Variants in GRIA3 observed in about 807,000 individuals in gnomAD.
The protein encoded by GRIA3 is glutamate ionotropic receptor AMPA type subunit 3.
In GRIA3, 3 loss-of-function variants were observed where a neutral mutation model predicts 63.0. The observed-to-expected ratio is 0.05, with a 90% CI of 0.02 to 0.12. GRIA3 has a LOEUF of 0.12. GRIA3 is among the 10% of genes least tolerant of loss of function. GRIA3 has a pLI of 1.00. For missense variants in GRIA3, 347 were observed against 700.9 expected (o/e 0.50, Z 5.70); for synonymous variants, 274 against 257.9 (o/e 1.06, Z -0.60).
intron 3 of GRIA3, among the ~76,000 whole-genome samples, chrX:123,265,322 T>C (rs1241691075): frequency 9.0e-6 from 1 of 111,627 alleles, no homozygotes; most frequent in East Asian, 2.8e-4. Flanking sequence ...AAAACTTAAC[T>C]ACTAATAGCC....
At chrX:123,260,402 AAGAC>A (rs766545795) in intron 3 of GRIA3, among the ~76,000 whole-genome samples, 299 of 22,009 alleles carry the variant, frequency 0.014, 34 homozygotes, top group African/African-American at 0.034. Flanking sequence ...GAAAGAAAGA[AAGAC>A]AGACAGACAG....
At chrX:123,248,944 G>C (rs2044374817) in intron 2 of GRIA3, among the ~76,000 whole-genome samples, 1 of 112,168 alleles carries the variant, frequency 8.9e-6, no homozygotes, top group Admixed American at 9.4e-5. Flanking sequence ...AGGGAGCTGA[G>C]GGAAGCAGCT....
intron 13 of GRIA3, among the ~76,000 whole-genome samples, chrX:123,469,839 T>C (rs2045852989): frequency 8.9e-6 from 1 of 112,021 alleles, no homozygotes; most frequent in Non-Finnish European, 1.9e-5. Context: ...TGCAGCTGCC[T>C]GTCCCCTCAA....
At chrX:123,327,461 C>T (rs770764722) in intron 4 of GRIA3, among the ~76,000 whole-genome samples, 1 of 111,303 alleles carries the variant, frequency 9.0e-6, no homozygotes, top group African/African-American at 3.3e-5. Context: ...TACCTAGGGG[C>T]CAAAACAGCT....
At chrX:123,350,955 C>T (rs2045090503) in intron 4 of GRIA3, among the ~76,000 whole-genome samples, 1 of 112,029 alleles carries the variant, frequency 8.9e-6, no homozygotes, top group Non-Finnish European at 1.9e-5. Flanking sequence ...CATATCAAGC[C>T]ATCCATCATC....
intron 2 of GRIA3, among the ~76,000 whole-genome samples, chrX:123,214,639 G>T (rs189326887): frequency 9.0e-6 from 1 of 111,434 alleles, no homozygotes; most frequent in South Asian, 3.8e-4. Flanking sequence ...GGATTAAAAG[G>T]GCCCACAAGA....
chrX:123,257,678 TA>T (rs2044427381), intron 3 of GRIA3, among the ~76,000 whole-genome samples: 2 of 62,933 alleles, frequency 3.2e-5, no homozygotes, highest in South Asian at 2.9e-3. Context: ...TTAAATTATA[TA>T]AGAGAGATAG....
chrX:123,455,208 C>T (rs1247970973), intron 12 of GRIA3, among the ~76,000 whole-genome samples: 1 of 111,732 alleles, frequency 8.9e-6, no homozygotes, highest in Non-Finnish European at 1.9e-5. Context: ...AATTTCTTTC[C>T]CTTCCTTTCC....
At chrX:123,432,311 A>T (rs1030597664) in intron 12 of GRIA3, among the ~76,000 whole-genome samples, 1 of 112,109 alleles carries the variant, frequency 8.9e-6, no homozygotes, top group Non-Finnish European at 1.9e-5. Flanking sequence ...TCCCCTTTTT[A>T]CATTAAATGT....
intron 2 of GRIA3, among the ~76,000 whole-genome samples, chrX:123,221,717 G>A (rs1603033089): frequency 9.0e-6 from 1 of 111,301 alleles, no homozygotes; most frequent in African/African-American, 3.3e-5. Context: ...AAAGAAAATG[G>A]GGCCCAGAAA....
chrX:123,334,196 G>A (rs1293315423), intron 4 of GRIA3, among the ~76,000 whole-genome samples: 2 of 111,755 alleles, frequency 1.8e-5, no homozygotes, highest in South Asian at 3.7e-4. Flanking sequence ...CTAAGCAAGC[G>A]AGACTCTACT....
At chrX:123,217,871 A>G (rs1928198084) in intron 2 of GRIA3, among the ~76,000 whole-genome samples, 1 of 112,381 alleles carries the variant, frequency 8.9e-6, no homozygotes, top group African/African-American at 3.2e-5. Flanking sequence ...AAAAGCCTAA[A>G]AACAAATTAG....
At chrX:123,309,271 C>T (rs7065359) in intron 3 of GRIA3, among the ~76,000 whole-genome samples, 18,033 of 108,152 alleles carry the variant, frequency 0.17, 1,205 homozygotes, top group South Asian at 0.3. Flanking sequence ...CCTGTAGTCC[C>T]GAGAGGTGGA....
intron 3 of GRIA3, among the ~76,000 whole-genome samples, chrX:123,285,289 G>A (rs1184060275): frequency 7.2e-5 from 8 of 110,571 alleles, no homozygotes; most frequent in Non-Finnish European, 1.3e-4. Flanking sequence ...ACCAGCCACC[G>A]CAAAAACATA....
rs748396769 is a variant in GRIA3 at position 123,248,556 on chromosome X, C to T, written c.269-4747C>T. Among the ~76,000 whole-genome samples, 61 of 111,545 alleles carry T rather than the reference C, an allele frequency of 5.5e-4. 1 individual carries two copies. The highest frequency in any genetic ancestry group is 4.6e-3 in the Admixed American group (49 of 10,567). On this transcript the variant is annotated intron_variant, in intron 2 of 15. Coordinates refer to ENST00000620443, the MANE Select transcript of GRIA3 (RefSeq NM_007325.5). ...ATCCCAGCACTTTGGGAGGCTGAGG[C>T]GGGTGGATCACCTGAGGTCGGGAGT...
intron 2 of GRIA3, chrX:123,204,666 ATTAATTTAT>A: frequency 9.5e-7 from 1 of 1,050,628 alleles, no homozygotes; most frequent in Non-Finnish European, 1.2e-6. Flanking sequence ...ATAAAGGAAC[ATTAATTTAT>A]TCCTCAAATC....
intron 3 of GRIA3, among the ~76,000 whole-genome samples, chrX:123,259,208 A>G (rs937818347): frequency 6.3e-5 from 7 of 111,694 alleles, no homozygotes; most frequent in African/African-American, 2.0e-4. Flanking sequence ...GGATTCCCCA[A>G]GAAAAGGAGA....
intron 4 of GRIA3, among the ~76,000 whole-genome samples, chrX:123,327,134 C>T (rs1367208969): frequency 9.0e-6 from 1 of 110,995 alleles, no homozygotes; most frequent in Non-Finnish European, 1.9e-5. Context: ...CCACTGCACT[C>T]CAGCCTGGGC....
intron 12 of GRIA3, among the ~76,000 whole-genome samples, chrX:123,455,705 C>G (rs2045757745): frequency 8.9e-6 from 1 of 111,821 alleles, no homozygotes; most frequent in African/African-American, 3.3e-5. Flanking sequence ...TTTACCCCAA[C>G]TTCAAAAAAA....
Sources: gnomAD v4.1 joint callset for allele counts (sites outside exome capture counted in the v4.1 genomes callset) on GRCh38, gnomAD v4.1.1 for gene constraint, MANE v1.5 for transcripts, NCBI Gene and HGNC (gene_info 2026-07-23, HGNC 2026-07-21) for gene names.